Variants in ASXL1 observed in about 807,000 individuals in gnomAD.
ASXL1 encodes the protein polycomb group protein ASXL1.
Under a neutral mutation model 89.1 loss-of-function variants are expected in ASXL1, and 65 were observed. The ratio of observed to expected loss-of-function variants is 0.73; its 90% CI spans 0.60 to 0.90. The LOEUF (loss-of-function observed/expected upper bound fraction) is 0.90. Ranked by LOEUF, ASXL1 falls within the 40% of genes least tolerant of loss-of-function variation. The probability of loss-of-function intolerance (pLI) is 0.00; values close to 1 mark genes in which losing one functional copy is unlikely to be tolerated. For missense variants in ASXL1, 1,786 were observed against 1,942.9 expected (o/e 0.92, Z 1.52); for synonymous variants, 739 against 746.9 (o/e 0.99, Z 0.17).
intron 4 of ASXL1, among the ~76,000 whole-genome samples, chr20:32,384,899 G>T (rs554075328): frequency 6.6e-6 from 1 of 151,770 alleles, no homozygotes; most frequent in African/African-American, 2.4e-5. Context: ...TATTAAGTTT[G>T]ATTTTAAAGC....
At chr20:32,427,080 A>G (rs1197238900) in intron 4 of ASXL1, 1 of 152,036 alleles carries the variant, frequency 6.6e-6, no homozygotes, top group Non-Finnish European at 1.5e-5. Flanking sequence ...CCTCTGCCCC[A>G]ACTTATCTTC....
In ASXL1 at chr20:32,433,266, T is replaced by C. The variant is rs2123251338; in HGVS notation, c.1086-18T>C. The C allele has an allele frequency of 6.2e-7, 1 of 1,614,130 alleles. No individual in the cohort carries two copies. Among genetic ancestry groups the C allele is most frequent in the Non-Finnish European group, 8.5e-7 (1 of 1,180,026 alleles). On this transcript the variant is annotated intron_variant, in intron 11 of 12. Coordinates refer to ENST00000375687, the MANE Select transcript of ASXL1 (RefSeq NM_015338.6). ...TCCACTCTGGCCTGAAACTGATGGC[T>C]GTGATTTTGATTTGCAGGCTGGGTT... is the stretch of plus-strand genomic sequence containing the variant.
intron 4 of ASXL1, among the ~76,000 whole-genome samples, chr20:32,374,820 C>T (rs1463142052): frequency 1.3e-5 from 2 of 152,138 alleles, no homozygotes; most frequent in Non-Finnish European, 2.9e-5. Flanking sequence ...GTCCAATAAA[C>T]ACCCTAATCC....
chr20:32,376,037 G>A (rs1337652909), intron 4 of ASXL1, among the ~76,000 whole-genome samples: 1 of 151,884 alleles, frequency 6.6e-6, no homozygotes, highest in African/African-American at 2.4e-5. Flanking sequence ...CGTTATTTCC[G>A]GAATCCTTTA....
chr20:32,419,607 G>C (rs2049202972), intron 4 of ASXL1, among the ~76,000 whole-genome samples: 1 of 149,976 alleles, frequency 6.7e-6, no homozygotes, highest in Admixed American at 6.6e-5. Context: ...GTTCGTTTTT[G>C]TTATAAATTA....
chr20:32,361,510 C>T (rs894825074), intron 1 of ASXL1, among the ~76,000 whole-genome samples: 56 of 151,182 alleles, frequency 3.7e-4, no homozygotes, highest in African/African-American at 1.3e-3. Flanking sequence ...TGGTGGTGCA[C>T]GCCTGTAATC....
intron 10 of ASXL1, 146 bp from the exon 11 acceptor site, chr20:32,432,734 A>ATC: frequency 2.1e-6 from 2 of 962,818 alleles, no homozygotes. Context: ...CTTATAGTAG[A>ATC]TGTGTTAGCT....
intron 10 of ASXL1, 76 bp from the exon 11 acceptor site, chr20:32,432,804 T>A (rs541695573): frequency 6.5e-7 from 1 of 1,547,270 alleles, no homozygotes; most frequent in Admixed American, 1.8e-5. Flanking sequence ...GTTTTAAAAC[T>A]GGGAGATTCA....
chr20:32,412,640 G>C (rs998156494), intron 4 of ASXL1, among the ~76,000 whole-genome samples: 4 of 144,342 alleles, frequency 2.8e-5, no homozygotes, highest in African/African-American at 1.0e-4. Flanking sequence ...CTGTCTCCCA[G>C]GCTGGAGGGC....
At position 32,412,113 on chromosome 20, in the gene ASXL1, A is replaced by ACATG. The variant is rs918289102; in HGVS notation, c.253-16012_253-16011insGCAT. 4.3e-4 allele frequency among the ~76,000 whole-genome samples: 65 copies of ACATG among 152,142 alleles called. 1 individual carries two copies. The highest frequency in any genetic ancestry group is 1.5e-3 in the African/African-American group (64 of 41,436). ...TTAGCTTAGAATAGTATGCATGTAT[A>ACATG]CATCTGTACCTGTTTCTCTCTTTGT... On this transcript the variant is annotated intron_variant, in intron 4 of 12. Coordinates refer to ENST00000375687, the MANE Select transcript of ASXL1 (RefSeq NM_015338.6).
In ASXL1 at chr20:32,379,221, G is replaced by A. The variant is rs1440459093; in HGVS notation, c.252+10098G>A. 2.7e-5 allele frequency among the ~76,000 whole-genome samples: 3 copies of A among 111,472 alleles called. No homozygotes were observed. In the Admixed American group the frequency reaches 3.6e-4, roughly 13 times the overall value. The allele number at this position is 111,472 out of a possible 152,430, so 73.1% of individuals were successfully genotyped here. A position where few individuals can be genotyped will look rare whatever the true frequency, so the allele number is the denominator to read the frequency against. Reference sequence around the variant, plus strand: ...TTTTTTTGAGACAGAGTCTCCTTCTGTCACCCAGGCTGGAGAGCAGTGGTG... The same window carrying A: ...TTTTTTTGAGACAGAGTCTCCTTCTATCACCCAGGCTGGAGAGCAGTGGTG... On this transcript the variant is annotated intron_variant, in intron 4 of 12. Transcript: ENST00000375687.
Position 32,366,274 on chromosome 20 carries a change from C to G in ASXL1, c.58-110C>G, listed in dbSNP as rs1600470855. On this transcript the variant is annotated intron_variant, in intron 1 of 12. Transcript: ENST00000375687. ...TGAAGTAATTTTAACTGTGGAAAAA[C>G]TAAGTTGTCACCAGCGGTACCTCAT... is the stretch of plus-strand genomic sequence containing the variant. 5.3e-6 allele frequency: 5 copies of G among 946,328 alleles called. No homozygotes were observed. The Admixed American group carries it at 7.4e-5, about 14-fold the overall frequency. The allele number at this position is 946,328 out of a possible 1,614,324, so 58.6% of individuals were successfully genotyped here.
At chr20:32,367,855 C>G in intron 3 of ASXL1, 126 bp downstream of exon 3, 1 of 735,972 alleles carries the variant, frequency 1.4e-6, no homozygotes, top group South Asian at 1.4e-5. Flanking sequence ...AATTTGTAGA[C>G]AGAGGTATAA....
In ASXL1 at chr20:32,425,021, T is replaced by C. The variant is rs62206932; in HGVS notation, c.253-3107T>C. Among the ~76,000 whole-genome samples the C allele has an allele frequency of 9.6e-3, 1,463 of 152,322 alleles. 14 individuals are homozygous for C. Among genetic ancestry groups the C allele is most frequent in the African/African-American group, 0.023 (957 of 41,566 alleles). On this transcript the variant is annotated intron_variant, in intron 4 of 12. Transcript: ENST00000375687. ...TCTGTCTTGACTTTATGAAAGTTAT[T>C]TTCTTGCTTTCCTTTAGATTACCTA...
intron 1 of ASXL1, among the ~76,000 whole-genome samples, chr20:32,361,536 GC>G (rs1446506032): frequency 1.3e-5 from 2 of 150,838 alleles, no homozygotes; most frequent in Non-Finnish European, 2.9e-5. Context: ...TACTGAGGGG[GC>G]TGAGACAGGA....
At chr20:32,409,605 G>T (rs1323655727) in intron 4 of ASXL1, among the ~76,000 whole-genome samples, 1 of 152,068 alleles carries the variant, frequency 6.6e-6, no homozygotes, top group Non-Finnish European at 1.5e-5. Context: ...TGGGCTTGGT[G>T]GTATACACCT....
intron 2 of ASXL1, among the ~76,000 whole-genome samples, chr20:32,367,245 G>T (rs993721980): frequency 5.3e-5 from 8 of 152,152 alleles, no homozygotes; most frequent in African/African-American, 1.7e-4. Context: ...GCATGGTGAC[G>T]CATGCCTGTA....
intron 4 of ASXL1, among the ~76,000 whole-genome samples, chr20:32,409,076 C>T (rs756747341): frequency 3.9e-5 from 6 of 152,064 alleles, no homozygotes; most frequent in Admixed American, 6.6e-5. Flanking sequence ...CAGTTTCAAG[C>T]GATTCACCTG....
At chr20:32,422,878 C>A (rs1488353829) in intron 4 of ASXL1, among the ~76,000 whole-genome samples, 1 of 152,056 alleles carries the variant, frequency 6.6e-6, no homozygotes, top group Non-Finnish European at 1.5e-5. Context: ...AGCCACCGTG[C>A]CCGGCCTATA....
Sources: allele counts gnomAD v4.1 joint callset (sites outside exome capture counted in the v4.1 genomes callset), GRCh38; gene constraint gnomAD v4.1.1; transcripts MANE v1.5; gene names NCBI Gene and HGNC (gene_info 2026-07-23, HGNC 2026-07-21).